Variants in SCD5 observed in about 807,000 individuals in gnomAD.
SCD5 encodes the protein acyl-CoA-desaturase 4.
SCD5 carries 20 observed loss-of-function variants against 30.4 expected under a neutral mutation model. The observed-to-expected ratio is 0.66, with a 90% CI of 0.46 to 0.96. The LOEUF (loss-of-function observed/expected upper bound fraction) is 0.96. Ranked by LOEUF, SCD5 falls within the 40% of genes least tolerant of loss-of-function variation. The pLI is 0.00. For synonymous variants in SCD5, 173 were observed against 176.4 expected (o/e 0.98, Z 0.16); for missense variants, 381 against 443.3 (o/e 0.86, Z 1.26).
At position 82,705,379 on chromosome 4, in the gene SCD5, C is replaced by A. The variant is rs1362274701; in HGVS notation, c.267G>T (p.Val89=). The change falls in exon 2 of 5, where the codon GTG becomes GTT. Residue 89 remains valine (V), a synonymous_variant. Coordinates refer to ENST00000319540, the MANE Select transcript of SCD5 (RefSeq NM_001037582.3). ...TCCACAAGCGATGGGCACCAGCTGT[C>A]ACACCCAGAGCGGCCAGGAGGAAGC... ...YFCFLLAALG[V]TAGAHRLWSH... is the part of the protein sequence containing the mutation. 6.2e-7 allele frequency: 1 copy of A among 1,614,260 alleles called. No individual in the cohort carries two copies. Among genetic ancestry groups the A allele is most frequent in the African/African-American group, 1.3e-5 (1 of 75,082 alleles).
intron 1 of SCD5, among the ~76,000 whole-genome samples, chr4:82,767,055 G>A (rs1721508139): frequency 6.6e-6 from 1 of 152,216 alleles, no homozygotes; most frequent in African/African-American, 2.4e-5. Context: ...TGAATTATGA[G>A]GTTTTCCATT....
intron 1 of SCD5, among the ~76,000 whole-genome samples, chr4:82,797,135 A>G (rs950535707): frequency 4.6e-5 from 7 of 152,164 alleles, no homozygotes; most frequent in Admixed American, 1.3e-4. Context: ...TAGTGGCCCC[A>G]TTATCTACCT....
At chr4:82,738,747 T>C (rs778578687) in intron 1 of SCD5, among the ~76,000 whole-genome samples, 96 of 152,222 alleles carry the variant, frequency 6.3e-4, no homozygotes, top group Non-Finnish European at 1.2e-3. Context: ...TACAACTACA[T>C]AGCAGTTCCA....
At chr4:82,671,223 G>T (rs190293101) in intron 3 of SCD5, among the ~76,000 whole-genome samples, 3 of 152,276 alleles carry the variant, frequency 2.0e-5, no homozygotes, top group South Asian at 2.1e-4. Flanking sequence ...CCTAACTACA[G>T]AGTGTCAAAA....
In SCD5 at chr4:82,649,398, T is replaced by TA. The variant is rs1727699416; in HGVS notation, c.570-12576dup. Among the ~76,000 whole-genome samples, 5 of 152,156 alleles carry TA rather than the reference T, an allele frequency of 3.3e-5. No homozygotes were observed. The South Asian group carries it at 1.0e-3, about 32-fold the overall frequency. ...ACCCCTAAAGAATTTGTAATTATAA[T>TA]AAGGGAAATGAATTTTCACTGGTAA... On this transcript the variant is annotated intron_variant, in intron 3 of 4. Coordinates refer to ENST00000319540, the MANE Select transcript of SCD5 (RefSeq NM_001037582.3).
chr4:82,662,825 A>C (rs1304326821), intron 3 of SCD5, among the ~76,000 whole-genome samples: 1 of 144,596 alleles, frequency 6.9e-6, no homozygotes, highest in African/African-American at 2.6e-5. Context: ...ACGCCATTGC[A>C]CTCCAGCCTG....
At chr4:82,706,982 G>A (rs1438512990) in intron 1 of SCD5, among the ~76,000 whole-genome samples, 1 of 152,250 alleles carries the variant, frequency 6.6e-6, no homozygotes, top group Non-Finnish European at 1.5e-5. Flanking sequence ...AGCCTGGGCT[G>A]AATGTAAGGA....
At chr4:82,724,225 C>T (rs548545796) in intron 1 of SCD5, among the ~76,000 whole-genome samples, 35 of 152,256 alleles carry the variant, frequency 2.3e-4, no homozygotes, top group African/African-American at 7.2e-4. Flanking sequence ...ATAACAAATA[C>T]CGAATTTCAT....
chr4:82,706,058 A>G (rs1169471376), intron 1 of SCD5, among the ~76,000 whole-genome samples: 1 of 152,212 alleles, frequency 6.6e-6, no homozygotes, highest in Non-Finnish European at 1.5e-5. Flanking sequence ...ACAAACAACA[A>G]TCTGCCCACA....
intron 1 of SCD5, among the ~76,000 whole-genome samples, chr4:82,712,537 C>T (rs1202328918): frequency 6.6e-6 from 1 of 150,992 alleles, no homozygotes; most frequent in African/African-American, 2.4e-5. Context: ...AGGCTAGTCT[C>T]GAACTTCTGA....
intron 1 of SCD5, among the ~76,000 whole-genome samples, chr4:82,706,024 T>C (rs549528217): frequency 2.0e-5 from 3 of 152,372 alleles, no homozygotes; most frequent in Admixed American, 6.5e-5. Context: ...AATCATTCCT[T>C]ACTTGAAAGG....
At chr4:82,733,592 GA>G (rs1218143037) in intron 1 of SCD5, among the ~76,000 whole-genome samples, 1 of 152,088 alleles carries the variant, frequency 6.6e-6, no homozygotes, top group African/African-American at 2.4e-5. Context: ...TGTGGAGGGG[GA>G]AAAAGAAAAA....
chr4:82,770,141 C>T (rs1410151241), intron 1 of SCD5, among the ~76,000 whole-genome samples: 2 of 152,036 alleles, frequency 1.3e-5, no homozygotes, highest in Non-Finnish European at 2.9e-5. Context: ...CCCATTAACT[C>T]GTCATTTACA....
At chr4:82,788,040 A>G (rs1722022249) in intron 1 of SCD5, among the ~76,000 whole-genome samples, 1 of 152,030 alleles carries the variant, frequency 6.6e-6, no homozygotes, top group Non-Finnish European at 1.5e-5. Flanking sequence ...CTGTCAGACA[A>G]TCAATCAATC....
intron 2 of SCD5, among the ~76,000 whole-genome samples, chr4:82,689,536 C>G (rs1037875312): frequency 6.6e-6 from 1 of 152,040 alleles, no homozygotes; most frequent in African/African-American, 2.4e-5. Flanking sequence ...TTGGAAAAAG[C>G]AAACTTTTCT....
intron 3 of SCD5, among the ~76,000 whole-genome samples, chr4:82,651,631 T>C (rs2148814859): frequency 6.6e-6 from 1 of 152,238 alleles, no homozygotes; most frequent in South Asian, 2.1e-4. Context: ...ATTAAAAAAT[T>C]GGCCAGGTGT....
chr4:82,768,941 AC>A (rs1295746019), intron 1 of SCD5, among the ~76,000 whole-genome samples: 1 of 144,084 alleles, frequency 6.9e-6, no homozygotes, highest in African/African-American at 2.8e-5. Flanking sequence ...GAAACCTAAG[AC>A]TTTTTTTTTT....
chr4:82,639,575 C>G (rs959752183), intron 3 of SCD5, among the ~76,000 whole-genome samples: 2 of 152,208 alleles, frequency 1.3e-5, no homozygotes, highest in African/African-American at 4.8e-5. Flanking sequence ...CCAGAAAGGA[C>G]CACAGCCAAG....
At chr4:82,711,447 C>A (rs1720084338) in intron 1 of SCD5, among the ~76,000 whole-genome samples, 1 of 152,194 alleles carries the variant, frequency 6.6e-6, no homozygotes, top group South Asian at 2.1e-4. Flanking sequence ...GGCGCGGTGG[C>A]TCATGCCTAT....
Sources: gnomAD v4.1 joint callset for allele counts (sites outside exome capture counted in the v4.1 genomes callset) on GRCh38, gnomAD v4.1.1 for gene constraint, MANE v1.5 for transcripts, NCBI Gene and HGNC (gene_info 2026-07-23, HGNC 2026-07-21) for gene names.